The following EML2 variants were observed in gnomAD, a reference collection of about 807,000 sequenced individuals.
EML2 encodes the protein EMAP like 2.
In EML2, 59 loss-of-function variants were observed where a neutral mutation model predicts 84.7. That is an observed-to-expected ratio of 0.70 (90% CI 0.56 to 0.86). The LOEUF (loss-of-function observed/expected upper bound fraction) is 0.86, where lower values mean the gene tolerates loss of function less well. Among genes scored for constraint, EML2 ranks in the 40% least tolerant of loss-of-function variants. The probability of loss-of-function intolerance (pLI) is 0.00; values close to 1 mark genes in which losing one functional copy is unlikely to be tolerated. For synonymous variants in EML2, 352 were observed against 348.9 expected, an observed-to-expected ratio of 1.01 and a Z score of -0.10; for missense variants, 818 against 855.6, an observed-to-expected ratio of 0.96 and a Z score of 0.55.
chr19:45,641,764 C>A, upstream of EML2: 1 of 1,535,816 alleles, frequency 6.5e-7, no homozygotes, highest in Middle Eastern at 1.7e-4. Flanking sequence ...AGAGAGCACA[C>A]AGGTGGGGGC....
intron 6 of EML2, among the ~76,000 whole-genome samples, chr19:45,630,745 A>G (rs1353320291): frequency 6.6e-6 from 1 of 152,194 alleles, no homozygotes; most frequent in Admixed American, 6.6e-5. Flanking sequence ...CTAGCCAGGA[A>G]TTCTTGCTGA....
At chr19:45,634,248 G>A in intron 4 of EML2, 74 bp downstream of exon 4, 1 of 1,592,802 alleles carries the variant, frequency 6.3e-7, no homozygotes, top group South Asian at 1.1e-5. Context: ...TGTGAAAAGA[G>A]GCATAGAGGG....
intron 9 of EML2, 132 bp from the exon 10 acceptor site, chr19:45,621,769 C>T (rs1235430517): frequency 2.1e-5 from 21 of 1,014,038 alleles, no homozygotes; most frequent in South Asian, 1.9e-4. Context: ...TTTTTTGAGA[C>T]GGAGTCTCTC....
intron 9 of EML2, 119 bp downstream of exon 9, chr19:45,624,600 G>T: frequency 2.8e-6 from 2 of 706,404 alleles, no homozygotes; most frequent in Non-Finnish European, 4.9e-6. Flanking sequence ...TGACGAGGGT[G>T]TTGGAATCGG....
chr19:45,640,653 G>C (rs1355299213), upstream of EML2: 3 of 152,178 alleles, frequency 2.0e-5, no homozygotes, highest in African/African-American at 4.8e-5. Flanking sequence ...TCTTGACCTT[G>C]TGATCCACCC....
Position 45,621,550 on chromosome 19 carries a change from G to A in EML2, c.929C>T (p.Ser310Phe). Residue 310 changes from serine to phenylalanine, a missense_variant, in exon 10 of 19, where the codon TCT becomes TTT. Ser to Phe is a radical substitution (Grantham distance 155). Coordinates refer to ENST00000245925, the MANE Select transcript of EML2 (RefSeq NM_012155.4). ...CACCCGCCGATCACGGCCCCCTCCA[G>A]ACACCAGCGTCCCGTCCCGCAGGGC... is the stretch of plus-strand genomic sequence containing the variant. ...LCALRDGTLV[S>F]GGGRDRRVVL... The A allele has an allele frequency of 6.2e-7, 1 of 1,612,984 alleles. No homozygotes were observed. Among genetic ancestry groups the A allele is most frequent in the Non-Finnish European group, 8.5e-7 (1 of 1,179,964 alleles).
upstream of EML2, among the ~76,000 whole-genome samples, chr19:45,643,121 T>C (rs1338797531): frequency 6.6e-6 from 1 of 152,224 alleles, no homozygotes; most frequent in African/African-American, 2.4e-5. Flanking sequence ...AGTTCTAGAA[T>C]TGATCCCCAA....
Position 45,620,050 on chromosome 19 carries a change from TG to T in EML2, c.1123-860del, listed in dbSNP as rs1398142108. 1.4e-4 allele frequency among the ~76,000 whole-genome samples: 21 copies of T among 151,908 alleles called. No individual in the cohort carries two copies. In the South Asian group the frequency reaches 4.2e-3, roughly 30 times the overall value. On this transcript the variant is annotated intron_variant, in intron 11 of 18. Transcript: ENST00000245925. The stretch of plus-strand genomic sequence containing the variant: ...TGGGTGATATAATAAATAAATAAAA[TG>T]CTAAACATGAGGATAATTCAGAGAA...
In EML2 at chr19:45,609,430, A is replaced by G; in HGVS notation, c.*233T>C. On this transcript the variant is annotated 3_prime_UTR_variant, in exon 19 of 19. Transcript: ENST00000245925. ...GTACGTGTCTTTATTTCTGGATGATATAAAAGAAAAAACTTAAAAAACACC... is the reference window on the plus strand; with the variant it reads ...GTACGTGTCTTTATTTCTGGATGATGTAAAAGAAAAAACTTAAAAAACACC... 1 of 407,884 alleles carries G rather than the reference A, an allele frequency of 2.5e-6. No homozygotes were observed. The highest frequency in any genetic ancestry group is 4.4e-6 in the Non-Finnish European group (1 of 229,700). 25.3% of individuals were successfully genotyped at this position (407,884 alleles called of 1,614,324 possible). A position where few individuals can be genotyped will look rare whatever the true frequency, so the allele number is the denominator to read the frequency against.
chr19:45,642,241 G>C (rs1160194227), upstream of EML2: 2 of 1,535,720 alleles, frequency 1.3e-6, no homozygotes. Flanking sequence ...CAGAGCATCC[G>C]CCAGCGCCGC....
At chr19:45,644,305 G>A (rs145569988), upstream of EML2, among the ~76,000 whole-genome samples, 216 of 152,218 alleles carry the variant, frequency 1.4e-3, 1 homozygote, top group African/African-American at 4.9e-3. Flanking sequence ...CTTGTTACAC[G>A]GACACACAGC....
Position 45,613,248 on chromosome 19 carries a change from G to T in EML2, c.1824+293C>A, listed in dbSNP as rs76152653. On this transcript the variant is annotated intron_variant, in intron 18 of 18. Coordinates refer to ENST00000245925, the MANE Select transcript of EML2 (RefSeq NM_012155.4). Reference sequence around the variant, plus strand: ...GATCTGGTTGTATATCCTGTGCCTAGGTACATAGTAGGTGCTCAATAAATA... The same window carrying T: ...GATCTGGTTGTATATCCTGTGCCTATGTACATAGTAGGTGCTCAATAAATA... 1.1e-4 allele frequency among the ~76,000 whole-genome samples: 17 copies of T among 152,186 alleles called. No homozygotes were observed. In the East Asian group the frequency reaches 2.1e-3, roughly 19 times the overall value.
rs554215855 is a variant in EML2, at chr19:45,611,280, G to A, written c.1825-1492C>T. 2.6e-5 allele frequency among the ~76,000 whole-genome samples: 4 copies of A among 151,768 alleles called. No individual in the cohort carries two copies. The South Asian group carries it at 8.3e-4, about 32-fold the overall frequency. ...TACAAAATTAGCCGGGCATGGTGGT[G>A]CATGCCTGTAATCCCAGCTACTCAG... On this transcript the variant is annotated intron_variant, in intron 18 of 18. Transcript: ENST00000245925.
intron 3 of EML2, among the ~76,000 whole-genome samples, chr19:45,636,374 C>T (rs1020836761): frequency 6.6e-6 from 1 of 152,168 alleles, no homozygotes; most frequent in Non-Finnish European, 1.5e-5. Context: ...TCATATTCCC[C>T]AATAAGACTG....
At chr19:45,642,507 A>AGG, upstream of EML2, 2 of 1,421,930 alleles carry the variant, frequency 1.4e-6, no homozygotes, top group South Asian at 3.1e-5. Flanking sequence ...GCCAAGGAAG[A>AGG]GGACTCTGAA....
At chr19:45,643,716 G>T, upstream of EML2, 4 of 1,533,126 alleles carry the variant, frequency 2.6e-6, no homozygotes, top group Non-Finnish European at 3.5e-6. Flanking sequence ...CTGGCCCTCT[G>T]GGCTCCGCAG....
chr19:45,611,942 G>A (rs989451887), intron 18 of EML2, among the ~76,000 whole-genome samples: 8 of 152,142 alleles, frequency 5.3e-5, no homozygotes, highest in Non-Finnish European at 1.2e-4. Flanking sequence ...CACGATCTCC[G>A]CTCACTACAG....
intron 11 of EML2, chr19:45,619,400 C>T (rs963169332): frequency 2.2e-6 from 1 of 464,824 alleles, no homozygotes; most frequent in Non-Finnish European, 3.7e-6. Flanking sequence ...AATCCTGCCC[C>T]TTCTCCAGGG....
At chr19:45,620,359 C>T (rs1298021034) in intron 11 of EML2, among the ~76,000 whole-genome samples, 1 of 152,028 alleles carries the variant, frequency 6.6e-6, no homozygotes, top group Non-Finnish European at 1.5e-5. Context: ...AGTGATCTGC[C>T]TGCCTCGGCC....
Sources: allele counts gnomAD v4.1 joint callset (sites outside exome capture counted in the v4.1 genomes callset), GRCh38; gene constraint gnomAD v4.1.1; transcripts MANE v1.5; gene names NCBI Gene and HGNC (gene_info 2026-07-23, HGNC 2026-07-21).